Variants in DSCAM observed in about 807,000 individuals in gnomAD.
The protein encoded by DSCAM is cell adhesion molecule DSCAM.
DSCAM carries 47 observed loss-of-function variants against 217.7 expected under a neutral mutation model. The ratio of observed to expected loss-of-function variants is 0.22; its 90% CI spans 0.17 to 0.28. The LOEUF (loss-of-function observed/expected upper bound fraction) is 0.28, where lower values mean the gene tolerates loss of function less well. DSCAM is among the 10% of genes least tolerant of loss of function. The pLI is 1.00. For missense variants in DSCAM, 2,080 were observed against 2,618.3 expected (o/e 0.79, Z 4.49); for synonymous variants, 1,056 against 1,015.3 (o/e 1.04, Z -0.76).
chr21:40,070,153 T>C (rs991264247), intron 27 of DSCAM, among the ~76,000 whole-genome samples: 4 of 148,156 alleles, frequency 2.7e-5, no homozygotes, highest in African/African-American at 7.5e-5. Flanking sequence ...ATAATTTCAT[T>C]AAGAAACCAA....
intron 15 of DSCAM, among the ~76,000 whole-genome samples, chr21:40,170,572 T>C (rs2090645970): frequency 6.6e-6 from 1 of 152,190 alleles, no homozygotes. Flanking sequence ...ATGATTATTG[T>C]TGAGCCTCTG....
chr21:40,802,813 C>T (rs1302949772), intron 1 of DSCAM, among the ~76,000 whole-genome samples: 1 of 152,188 alleles, frequency 6.6e-6, no homozygotes, highest in East Asian at 1.9e-4. Flanking sequence ...GACTTGTTAG[C>T]CTCCATAACA....
chr21:40,559,366 A>G (rs779675084), intron 3 of DSCAM, among the ~76,000 whole-genome samples: 63 of 152,062 alleles, frequency 4.1e-4, no homozygotes, highest in Non-Finnish European at 5.9e-4. Flanking sequence ...GCTGAGGCAG[A>G]AGAATAGCGT....
intron 3 of DSCAM, among the ~76,000 whole-genome samples, chr21:40,427,658 G>A (rs1569118177): frequency 6.6e-6 from 1 of 152,186 alleles, no homozygotes; most frequent in South Asian, 2.1e-4. Flanking sequence ...TAAACACAGG[G>A]AAAGAGTTAG....
intron 1 of DSCAM, among the ~76,000 whole-genome samples, chr21:40,804,132 G>C (rs1276073419): frequency 6.6e-6 from 1 of 152,154 alleles, no homozygotes; most frequent in South Asian, 2.1e-4. Flanking sequence ...ACAGTGACCT[G>C]TGCAGTACAA....
At chr21:40,045,453 G>T (rs1428064439) in intron 30 of DSCAM, among the ~76,000 whole-genome samples, 2 of 152,192 alleles carry the variant, frequency 1.3e-5, no homozygotes, top group African/African-American at 4.8e-5. Context: ...GGAACCAAAG[G>T]CAGCAAGTCT....
chr21:40,303,288 G>A (rs1192231593), intron 9 of DSCAM, among the ~76,000 whole-genome samples: 1 of 151,962 alleles, frequency 6.6e-6, no homozygotes, highest in African/African-American at 2.4e-5. Context: ...GGCACCTTGG[G>A]CCTCTTGCTG....
chr21:40,641,179 A>G (rs1430252251), intron 3 of DSCAM, among the ~76,000 whole-genome samples: 2 of 152,100 alleles, frequency 1.3e-5, no homozygotes, highest in Non-Finnish European at 2.9e-5. Context: ...GGGTTTTTCT[A>G]ATGAGATAAA....
In DSCAM at chr21:40,509,680, C is replaced by A. The variant is rs187767563; in HGVS notation, c.509-140435G>T. ...AGCTAGTAAAATTTCTATGAAAGAACTCATATGTAATCACATTAAAAAACA... is the reference window on the plus strand; with the variant it reads ...AGCTAGTAAAATTTCTATGAAAGAAATCATATGTAATCACATTAAAAAACA... On this transcript the variant is annotated intron_variant, in intron 3 of 32. Coordinates refer to ENST00000400454, the MANE Select transcript of DSCAM (RefSeq NM_001389.5). Among the ~76,000 whole-genome samples, 5 of 152,326 alleles carry A rather than the reference C, an allele frequency of 3.3e-5. No homozygotes were observed. The East Asian group carries it at 9.7e-4, about 29-fold the overall frequency.
chr21:40,441,845 G>A (rs1447330927), intron 3 of DSCAM, among the ~76,000 whole-genome samples: 1 of 152,068 alleles, frequency 6.6e-6, no homozygotes, highest in Non-Finnish European at 1.5e-5. Context: ...ACCCCATGAT[G>A]GAATCATTTC....
intron 21 of DSCAM, among the ~76,000 whole-genome samples, chr21:40,090,028 C>G (rs1367553151): frequency 6.6e-6 from 1 of 152,194 alleles, no homozygotes; most frequent in African/African-American, 2.4e-5. Flanking sequence ...TGTCCCTCCT[C>G]TTCTCACACT....
chr21:40,741,719 C>CTG (rs1189850244), intron 1 of DSCAM, among the ~76,000 whole-genome samples: 1 of 152,186 alleles, frequency 6.6e-6, no homozygotes, highest in Non-Finnish European at 1.5e-5. Flanking sequence ...GCAGCCCCAT[C>CTG]CAGATGAAAT....
intron 16 of DSCAM, among the ~76,000 whole-genome samples, chr21:40,147,505 A>AAGGTTTT (rs2090370769): frequency 6.6e-6 from 1 of 152,226 alleles, no homozygotes; most frequent in Admixed American, 6.5e-5. Context: ...TAGAAGAACT[A>AAGGTTTT]CATTTCAGTC....
At chr21:40,348,308 C>A (rs1362208456) in intron 5 of DSCAM, among the ~76,000 whole-genome samples, 2 of 145,014 alleles carry the variant, frequency 1.4e-5, no homozygotes, top group East Asian at 4.1e-4. Context: ...CTATCAGCCA[C>A]ATTATTGCAA....
intron 5 of DSCAM, among the ~76,000 whole-genome samples, chr21:40,348,491 C>A (rs2074590761): frequency 6.6e-6 from 1 of 151,476 alleles, no homozygotes; most frequent in Non-Finnish European, 1.5e-5. Context: ...CCACACAGTT[C>A]CTATCAGCCA....
intron 11 of DSCAM, among the ~76,000 whole-genome samples, chr21:40,236,687 T>C (rs1254728104): frequency 1.3e-5 from 2 of 152,160 alleles, no homozygotes; most frequent in Admixed American, 6.5e-5. Flanking sequence ...ATGAGGTTAA[T>C]AATAGTACTG....
intron 2 of DSCAM, among the ~76,000 whole-genome samples, chr21:40,702,413 TTAA>T (rs2146470033): frequency 6.6e-6 from 1 of 152,348 alleles, no homozygotes; most frequent in African/African-American, 2.4e-5. Context: ...TACACTTTGC[TTAA>T]TATTAATGTG....
chr21:40,714,760 G>T (rs971271584), intron 1 of DSCAM, among the ~76,000 whole-genome samples: 1 of 152,182 alleles, frequency 6.6e-6, no homozygotes, highest in African/African-American at 2.4e-5. Flanking sequence ...GACTTTTGGG[G>T]TACTGGGATT....
rs182117333 is a variant in DSCAM at position 40,464,119 on chromosome 21, C to T, written c.509-94874G>A. Among the ~76,000 whole-genome samples, 5 of 152,340 alleles carry T rather than the reference C, an allele frequency of 3.3e-5. No individual in the cohort carries two copies. The East Asian group carries it at 9.7e-4, about 29-fold the overall frequency. On this transcript the variant is annotated intron_variant, in intron 3 of 32. Transcript: ENST00000400454. Reference sequence around the variant, plus strand: ...ACCATCCACATATGAATTTCTCCCACATTTCTATCTCCCAAGTCTCTCTTT... The same window carrying T: ...ACCATCCACATATGAATTTCTCCCATATTTCTATCTCCCAAGTCTCTCTTT...
Sources: allele counts gnomAD v4.1 joint callset (sites outside exome capture counted in the v4.1 genomes callset), GRCh38; gene constraint gnomAD v4.1.1; transcripts MANE v1.5; gene names NCBI Gene and HGNC (gene_info 2026-07-23, HGNC 2026-07-21).